LRRC7: variants seen among roughly 807,000 people sequenced by gnomAD.
The protein encoded by LRRC7 is leucine-rich repeat-containing protein 7.
LRRC7 carries 23 observed loss-of-function variants against 175.7 expected under a neutral mutation model. That is an observed-to-expected ratio of 0.13 (90% CI 0.09 to 0.19). The LOEUF (loss-of-function observed/expected upper bound fraction) is 0.19. Among genes scored for constraint, LRRC7 ranks in the 10% least tolerant of loss-of-function variants. The pLI is 1.00. For missense variants in LRRC7, 1,354 were observed against 1,904.7 expected (o/e 0.71, Z 5.38); for synonymous variants, 685 against 680.9 (o/e 1.01, Z -0.09).
intron 3 of LRRC7, among the ~76,000 whole-genome samples, chr1:69,766,872 C>T (rs1346341010): frequency 2.6e-5 from 4 of 152,120 alleles, no homozygotes; most frequent in African/African-American, 9.7e-5. Flanking sequence ...CTTACACTGT[C>T]TTTTTTTCTT....
At chr1:69,885,581 T>G (rs1687102966) in intron 7 of LRRC7, among the ~76,000 whole-genome samples, 1 of 103,008 alleles carries the variant, frequency 9.7e-6, no homozygotes, top group South Asian at 2.9e-4. Context: ...CTGGATTCAT[T>G]AATTTTTTGA....
At chr1:69,932,616 A>T (rs1261177648) in intron 8 of LRRC7, among the ~76,000 whole-genome samples, 2 of 152,334 alleles carry the variant, frequency 1.3e-5, no homozygotes, top group Non-Finnish European at 2.9e-5. Flanking sequence ...TTTATTAAGG[A>T]TGAAAACTGA....
At chr1:70,026,963 T>A (rs1658175029) in intron 17 of LRRC7, among the ~76,000 whole-genome samples, 2 of 152,138 alleles carry the variant, frequency 1.3e-5, no homozygotes, top group South Asian at 4.1e-4. Context: ...TTCAGATCTA[T>A]ATCACCATCA....
At chr1:69,592,613 A>G (rs1646683769) in intron 1 of LRRC7, among the ~76,000 whole-genome samples, 1 of 152,088 alleles carries the variant, frequency 6.6e-6, no homozygotes, top group African/African-American at 2.4e-5. Flanking sequence ...TGGCTGAAGC[A>G]TAGCTGAGCA....
intron 8 of LRRC7, among the ~76,000 whole-genome samples, chr1:69,943,815 T>C (rs915689033): frequency 2.0e-5 from 3 of 151,906 alleles, no homozygotes; most frequent in Non-Finnish European, 2.9e-5. Flanking sequence ...ATATCAGGAA[T>C]AAGAGGGAGA....
chr1:69,809,098 A>C (rs1412786592), intron 4 of LRRC7, among the ~76,000 whole-genome samples: 1 of 152,170 alleles, frequency 6.6e-6, no homozygotes, highest in Non-Finnish European at 1.5e-5. Context: ...GGGTATCACC[A>C]CTGACCCCAC....
chr1:69,996,851 C>A (rs1289647008), intron 11 of LRRC7, among the ~76,000 whole-genome samples: 7 of 151,988 alleles, frequency 4.6e-5, no homozygotes, highest in East Asian at 1.9e-4. Flanking sequence ...CAGCTTTGTT[C>A]TTTTGGCTTA....
At position 69,769,931 on chromosome 1, in the gene LRRC7, T is replaced by G. The variant is rs372180026; in HGVS notation, c.303+9538T>G. 7.9e-5 allele frequency among the ~76,000 whole-genome samples: 12 copies of G among 152,298 alleles called. No homozygotes were observed. In the East Asian group the frequency reaches 1.3e-3, roughly 17 times the overall value. The stretch of plus-strand genomic sequence containing the variant: ...ACCAACTGGCCATTTTAGGTAAAGA[T>G]GAACACTTACTAGAAAGATATCCAG... On this transcript the variant is annotated intron_variant, in intron 3 of 26. Coordinates refer to ENST00000651989, the MANE Select transcript of LRRC7 (RefSeq NM_001370785.2).
At chr1:69,906,711 T>C (rs1300456688) in intron 7 of LRRC7, among the ~76,000 whole-genome samples, 1 of 152,154 alleles carries the variant, frequency 6.6e-6, no homozygotes, top group Non-Finnish European at 1.5e-5. Flanking sequence ...CCAGCTTTGT[T>C]CTTTTGGCTT....
intron 4 of LRRC7, among the ~76,000 whole-genome samples, chr1:69,793,762 G>A (rs776505676): frequency 6.6e-6 from 1 of 151,692 alleles, no homozygotes; most frequent in Admixed American, 6.6e-5. Context: ...GTTTACTGCT[G>A]TATTTCCATT....
intron 1 of LRRC7, among the ~76,000 whole-genome samples, chr1:69,611,269 A>AT (rs956171139): frequency 4.3e-4 from 66 of 151,794 alleles, no homozygotes; most frequent in Middle Eastern, 3.4e-3. Flanking sequence ...TATTATAAGT[A>AT]TTTTTCCTAG....
At chr1:69,875,293 T>C (rs1207690899) in intron 7 of LRRC7, among the ~76,000 whole-genome samples, 1 of 152,014 alleles carries the variant, frequency 6.6e-6, no homozygotes, top group Non-Finnish European at 1.5e-5. Context: ...GTGCAGACTG[T>C]TGAATAATTA....
chr1:69,959,584 G>A (rs933291418), intron 8 of LRRC7, among the ~76,000 whole-genome samples: 15 of 152,202 alleles, frequency 9.9e-5, no homozygotes, highest in Middle Eastern at 3.4e-3. Context: ...AACATAGATC[G>A]TTTATTTTGT....
intron 8 of LRRC7, among the ~76,000 whole-genome samples, chr1:69,932,473 T>C (rs1480652540): frequency 6.6e-6 from 1 of 152,104 alleles, no homozygotes; most frequent in Non-Finnish European, 1.5e-5. Flanking sequence ...CCTAGCAAAA[T>C]TTATTCTAAT....
chr1:69,917,618 T>C (rs1646760426), intron 7 of LRRC7, among the ~76,000 whole-genome samples: 1 of 152,168 alleles, frequency 6.6e-6, no homozygotes, highest in Non-Finnish European at 1.5e-5. Flanking sequence ...CTTTGGATGC[T>C]GCTAAACATC....
At position 70,142,484 on chromosome 1, in the gene LRRC7, A is replaced by C. The variant is rs1571415098; in HGVS notation, c.*20597A>C. The C allele has an allele frequency of 6.6e-6, 1 of 152,178 alleles. No individual in the cohort carries two copies. The allele number at this position is 152,178 out of a possible 1,614,324, so 9.4% of individuals were successfully genotyped here. A position where few individuals can be genotyped will look rare whatever the true frequency, so the allele number is the denominator to read the frequency against. On this transcript the variant is annotated 3_prime_UTR_variant, in exon 27 of 27. Transcript: ENST00000651989. ...AGATAAACAGATAGTTTTTGTTTGAAGAGCCAATCAAGTTTCTCTTTGTAC... is the reference window on the plus strand; with the variant it reads ...AGATAAACAGATAGTTTTTGTTTGACGAGCCAATCAAGTTTCTCTTTGTAC...
rs181589437 is a variant in LRRC7 at position 69,678,930 on chromosome 1, G to A, written c.100+452G>A. ...AACCACTGCATTAGACAAAATAATA[G>A]ATATCTGCCGGTAAATGTAAACCTG... On this transcript the variant is annotated intron_variant, in intron 2 of 26. Transcript: ENST00000651989. 4.6e-5 allele frequency among the ~76,000 whole-genome samples: 7 copies of A among 152,018 alleles called. No homozygotes were observed. The East Asian group carries it at 1.2e-3, about 25-fold the overall frequency.
chr1:69,804,579 C>T (rs948552148), intron 4 of LRRC7, among the ~76,000 whole-genome samples: 21 of 151,556 alleles, frequency 1.4e-4, no homozygotes, highest in Admixed American at 6.6e-5. Flanking sequence ...ACCTGGTTAG[C>T]TAGCCAGCTA....
intron 1 of LRRC7, among the ~76,000 whole-genome samples, chr1:69,600,072 T>TA (rs1219078309): frequency 3.3e-5 from 5 of 152,126 alleles, no homozygotes; most frequent in Admixed American, 6.5e-5. Flanking sequence ...AAACAATTCT[T>TA]AAAAAAATTT....
Sources: allele counts gnomAD v4.1 joint callset (sites outside exome capture counted in the v4.1 genomes callset), GRCh38; gene constraint gnomAD v4.1.1; transcripts MANE v1.5; gene names NCBI Gene and HGNC (gene_info 2026-07-23, HGNC 2026-07-21).